The following DAB2IP variants were observed in gnomAD, a reference collection of about 807,000 sequenced individuals.
DAB2IP encodes disabled homolog 2-interacting protein.
Under a neutral mutation model 107.2 loss-of-function variants are expected in DAB2IP, and 28 were observed. The ratio of observed to expected loss-of-function variants is 0.26; its 90% CI spans 0.19 to 0.36. The LOEUF (loss-of-function observed/expected upper bound fraction) is 0.36, where lower values mean the gene tolerates loss of function less well. Ranked by LOEUF, DAB2IP falls within the 10% of genes least tolerant of loss-of-function variation. DAB2IP has a pLI of 1.00. For synonymous variants in DAB2IP, 755 were observed against 706.4 expected, an observed-to-expected ratio of 1.07 and a Z score of -1.09; for missense variants, 1,400 against 1,644.7, an observed-to-expected ratio of 0.85 and a Z score of 2.57.
chr9:121,729,886 G>T (rs1439316488), intron 3 of DAB2IP, among the ~76,000 whole-genome samples: 3 of 152,118 alleles, frequency 2.0e-5, no homozygotes, highest in Non-Finnish European at 4.4e-5. Flanking sequence ...GCAAATAATT[G>T]GTTTCTTCAG....
At chr9:121,570,633 C>T (rs987257016) in intron 1 of DAB2IP, among the ~76,000 whole-genome samples, 5 of 152,232 alleles carry the variant, frequency 3.3e-5, no homozygotes, top group South Asian at 4.1e-4. Flanking sequence ...ACTGCAGCTT[C>T]GAACTCCTGG....
intron 1 of DAB2IP, chr9:121,598,772 G>C (rs73661789): frequency 0.025 from 3,873 of 152,442 alleles, 70 homozygotes; most frequent in African/African-American, 0.047. Flanking sequence ...AAGGAGGCAG[G>C]AGCTCTCAGC....
chr9:121,737,409 G>T, intron 3 of DAB2IP: 1 of 985,476 alleles, frequency 1.0e-6, no homozygotes, highest in Non-Finnish European at 1.2e-6. Context: ...CAGCTTGGAA[G>T]ACACAGATTC....
chr9:121,602,551 G>A (rs1319418715), intron 1 of DAB2IP, among the ~76,000 whole-genome samples: 1 of 148,198 alleles, frequency 6.7e-6, no homozygotes, highest in Non-Finnish European at 1.5e-5. Context: ...ATGCCACCAT[G>A]CTCAGCCAAT....
rs576375444 is a variant in DAB2IP at position 121,760,468 on chromosome 9, C to A, written c.1170+29C>A. 3.2e-6 allele frequency: 5 copies of A among 1,549,134 alleles called. No homozygotes were observed. Among genetic ancestry groups the A allele is most frequent in the East Asian group, 4.6e-5 (2 of 43,474 alleles). ...CGTGCAGGCCCCTCGGCTCCTGACA[C>A]AGGCTGGGCGGCAGCACTGGGTTAC... On this transcript the variant is annotated intron_variant, in intron 6 of 15. Transcript: ENST00000408936. The surrounding 1 kb of genome is among the most constrained non-coding windows in gnomAD (Gnocchi z 5.9).
At chr9:121,624,518 A>G (rs1216177583) in intron 1 of DAB2IP, among the ~76,000 whole-genome samples, 2 of 152,256 alleles carry the variant, frequency 1.3e-5, no homozygotes, top group Non-Finnish European at 2.9e-5. Flanking sequence ...TCGGTCAAGG[A>G]CAGACCAATA....
At chr9:121,770,548 C>T (rs753987009) in exon 11 of DAB2IP, 1 of 1,613,720 alleles carries the variant, frequency 6.2e-7, no homozygotes, top group Non-Finnish European at 8.5e-7. Context: ...CTTTACAGAG[C>T]ATAGTATCCA....
chr9:121,732,439 G>A lies in DAB2IP; in HGVS notation c.363-24574G>A, dbSNP rs3810941. ...GACACTGGTTGGGGGCCTGGCAGGC[G>A]GAGGTGATGCGACCAGGCTGGTAGT... is the stretch of plus-strand genomic sequence containing the variant. On this transcript the variant is annotated intron_variant, in intron 3 of 15. Coordinates refer to ENST00000408936, the Ensembl canonical transcript of DAB2IP. 5.3e-3 allele frequency among the ~76,000 whole-genome samples: 802 copies of A among 152,222 alleles called. 18 individuals are homozygous for A. Among genetic ancestry groups the A allele is most frequent in the Admixed American group, 0.041 (623 of 15,286 alleles).
intron 3 of DAB2IP, among the ~76,000 whole-genome samples, chr9:121,740,420 C>A (rs1482083674): frequency 6.6e-6 from 1 of 152,200 alleles, no homozygotes; most frequent in Non-Finnish European, 1.5e-5. Context: ...TCTGGGTCCA[C>A]GGCCCCTAAA....
intron 3 of DAB2IP, among the ~76,000 whole-genome samples, chr9:121,731,670 G>T (rs1462671936): frequency 1.4e-5 from 2 of 147,776 alleles, no homozygotes; most frequent in African/African-American, 4.9e-5. Flanking sequence ...GCCCAGTGGG[G>T]CTGGGGCTGG....
intron 3 of DAB2IP, among the ~76,000 whole-genome samples, chr9:121,714,162 C>A (rs1830473980): frequency 1.3e-5 from 2 of 152,178 alleles, no homozygotes; most frequent in African/African-American, 2.4e-5. Flanking sequence ...CACATCCAAC[C>A]CAGTCTTCCC....
intron 1 of DAB2IP, among the ~76,000 whole-genome samples, chr9:121,672,730 C>T (rs536223840): frequency 1.3e-5 from 2 of 152,110 alleles, no homozygotes; most frequent in African/African-American, 2.4e-5. Context: ...GGATCATGCT[C>T]GAAGGTCTGG....
intron 1 of DAB2IP, among the ~76,000 whole-genome samples, chr9:121,668,048 A>G (rs1283937695): frequency 6.6e-6 from 1 of 152,206 alleles, no homozygotes; most frequent in African/African-American, 2.4e-5. Flanking sequence ...CACTACCACC[A>G]GAACGCTATG....
chr9:121,690,903 G>A (rs943482336), intron 2 of DAB2IP, among the ~76,000 whole-genome samples: 1 of 152,072 alleles, frequency 6.6e-6, no homozygotes, highest in Non-Finnish European at 1.5e-5. Flanking sequence ...CAGACTCCCC[G>A]CTGTCCTACC....
At position 121,635,465 on chromosome 9, in the gene DAB2IP, G is replaced by C. The variant is rs1444242335; in HGVS notation, c.41-43213G>C. On this transcript the variant is annotated intron_variant, in intron 1 of 16. Coordinates refer to the DAB2IP transcript ENST00000259371. This position sits in a 1 kb window ranked among gnomAD's most constrained non-coding sequence, Gnocchi z 4.3. Reference sequence around the variant, plus strand: ...CTGGTCTCTCTGGCCATAGGTTCAGGGCCACCTCCTGTGGACCTACTGTGT... The same window carrying C: ...CTGGTCTCTCTGGCCATAGGTTCAGCGCCACCTCCTGTGGACCTACTGTGT... Among the ~76,000 whole-genome samples, 4 of 152,182 alleles carry C rather than the reference G, an allele frequency of 2.6e-5. No individual in the cohort carries two copies. The highest frequency in any genetic ancestry group is 2.0e-4 in the Admixed American group (3 of 15,282).
At chr9:121,616,366 T>G (rs1831277539) in intron 1 of DAB2IP, among the ~76,000 whole-genome samples, 1 of 152,202 alleles carries the variant, frequency 6.6e-6, no homozygotes, top group Non-Finnish European at 1.5e-5. Context: ...CTGTCTTTAT[T>G]CTAGTGCCTG....
At chr9:121,652,947 A>G (rs1278711363) in intron 1 of DAB2IP, among the ~76,000 whole-genome samples, 1 of 152,084 alleles carries the variant, frequency 6.6e-6, no homozygotes, top group Non-Finnish European at 1.5e-5. Context: ...TCTGAGTAGC[A>G]CTGTGCAGTC....
chr9:121,782,378 T>G lies in DAB2IP; in HGVS notation c.3450T>G (p.Ser1150Arg). 6.2e-7 allele frequency: 1 copy of G among 1,613,826 alleles called. No individual in the cohort carries two copies. The highest frequency in any genetic ancestry group is 8.5e-7 in the Non-Finnish European group (1 of 1,179,910). The change falls in exon 16 of 16, where the codon AGT (serine) becomes AGG (arginine). Residue 1150 changes from serine (S) to arginine (R), a missense_variant. Transcript: ENST00000408936. The surrounding 1 kb of genome is among the most constrained non-coding windows in gnomAD (Gnocchi z 6.1). The stretch of plus-strand genomic sequence containing the variant: ...ATGCCGCCAATGCCCGCCTCATGAG[T>G]GCCCTGACCCAGCTGAAAGAGAGGT...
chr9:121,671,813 A>ATGAC (rs1833696575), intron 1 of DAB2IP, among the ~76,000 whole-genome samples: 1 of 152,146 alleles, frequency 6.6e-6, no homozygotes, highest in Non-Finnish European at 1.5e-5. Flanking sequence ...GTTCTATTGA[A>ATGAC]TGACTGTTCC....
Sources: allele counts gnomAD v4.1 joint callset (sites outside exome capture counted in the v4.1 genomes callset), GRCh38; gene constraint gnomAD v4.1.1; non-coding constraint Gnocchi (gnomAD v3.1); transcripts MANE v1.5; gene names NCBI Gene and HGNC (gene_info 2026-07-23, HGNC 2026-07-21).